ST6GALNAC5: variants seen among roughly 807,000 people sequenced by gnomAD.
The protein encoded by ST6GALNAC5 is ST6 N-acetylgalactosaminide alpha-2,6-sialyltransferase 5, also known as alpha-N-acetylgalactosaminide alpha-2,6-sialyltransferase 5.
Under a neutral mutation model 33.6 loss-of-function variants are expected in ST6GALNAC5, and 27 were observed. The observed-to-expected ratio is 0.80, with a 90% CI of 0.59 to 1.11. The LOEUF (loss-of-function observed/expected upper bound fraction) is 1.11, where lower values mean the gene tolerates loss of function less well. Among genes scored for constraint, ST6GALNAC5 ranks in the 50% least tolerant of loss-of-function variants. The probability of loss-of-function intolerance (pLI) is 0.00; values close to 1 mark genes in which losing one functional copy is unlikely to be tolerated. For missense variants in ST6GALNAC5, 428 were observed against 454.0 expected (o/e 0.94, Z 0.52); for synonymous variants, 194 against 171.2 (o/e 1.13, Z -1.04).
chr1:76,905,515 C>T (rs1646856665), intron 2 of ST6GALNAC5, among the ~76,000 whole-genome samples: 1 of 152,136 alleles, frequency 6.6e-6, no homozygotes, highest in Non-Finnish European at 1.5e-5. Context: ...TGCTTATGTC[C>T]AAATTGGAAA....
At chr1:76,984,427 A>T (rs1413551391) in intron 2 of ST6GALNAC5, among the ~76,000 whole-genome samples, 1 of 152,196 alleles carries the variant, frequency 6.6e-6, no homozygotes, top group Non-Finnish European at 1.5e-5. Context: ...GAAATGGATA[A>T]ATTCCTGGAC....
Position 76,868,873 on chromosome 1 carries a change from C to T in ST6GALNAC5, c.261+131C>T, listed in dbSNP as rs1247534218. ...CGAAGGCTGGAGGGGAGTGGACCCG[C>T]TGGGGTAGGGTGGGCTAGTTCCAAC... On this transcript the variant is annotated intron_variant, in intron 2 of 4. Coordinates refer to ENST00000477717, the MANE Select transcript of ST6GALNAC5 (RefSeq NM_030965.3). This position sits in a 1 kb window ranked among gnomAD's most constrained non-coding sequence, Gnocchi z 4.3. The T allele has an allele frequency of 3.9e-5, 53 of 1,375,806 alleles. No homozygotes were observed. In the Admixed American group the frequency reaches 1.7e-3, roughly 43 times the overall value. 85.2% of individuals were successfully genotyped at this position (1,375,806 alleles called of 1,614,324 possible).
intron 2 of ST6GALNAC5, among the ~76,000 whole-genome samples, chr1:76,882,088 A>C (rs1427723024): frequency 6.6e-6 from 1 of 152,198 alleles, no homozygotes; most frequent in East Asian, 1.9e-4. Context: ...AAAGGAATAA[A>C]TATTTAAACA....
chr1:76,919,678 A>G (rs912116086), intron 2 of ST6GALNAC5, among the ~76,000 whole-genome samples: 2 of 152,190 alleles, frequency 1.3e-5, no homozygotes, highest in Non-Finnish European at 2.9e-5. Flanking sequence ...TGCTGAGTAA[A>G]TGGGGGCTGA....
rs150842752 is a variant in ST6GALNAC5, at chr1:77,034,391, A to T, written c.262-9813A>T. ...TGAGAGCCTACCCTCATCCAGTATG[A>T]CCTCACCCTGACTTACATCTCAATT... On this transcript the variant is annotated intron_variant, in intron 2 of 4. Transcript: ENST00000477717. Among the ~76,000 whole-genome samples, 632 of 152,158 alleles carry T rather than the reference A, an allele frequency of 4.2e-3. 2 individuals are homozygous for T. Among genetic ancestry groups the T allele is most frequent in the Middle Eastern group, 0.02 (6 of 294 alleles).
At chr1:76,974,910 T>C (rs1284047466) in intron 2 of ST6GALNAC5, among the ~76,000 whole-genome samples, 1 of 149,328 alleles carries the variant, frequency 6.7e-6, no homozygotes, top group Non-Finnish European at 1.5e-5. Context: ...CTTAGCCTCC[T>C]GAGTAGCTGG....
chr1:76,880,425 A>G (rs1653752002), intron 2 of ST6GALNAC5, among the ~76,000 whole-genome samples: 1 of 152,214 alleles, frequency 6.6e-6, no homozygotes, highest in Non-Finnish European at 1.5e-5. Flanking sequence ...ATTAGTCAGC[A>G]TTCTCTAGAG....
intron 2 of ST6GALNAC5, among the ~76,000 whole-genome samples, chr1:76,896,886 C>T (rs1295789497): frequency 2.0e-5 from 3 of 152,098 alleles, no homozygotes; most frequent in Non-Finnish European, 4.4e-5. Flanking sequence ...TAGGCTAAAA[C>T]AGTAAGGTCA....
At chr1:76,994,984 T>C (rs1366230750) in intron 2 of ST6GALNAC5, among the ~76,000 whole-genome samples, 2 of 152,218 alleles carry the variant, frequency 1.3e-5, no homozygotes, top group Non-Finnish European at 2.9e-5. Flanking sequence ...GAAAATTACA[T>C]ATAATCAGAA....
intron 2 of ST6GALNAC5, among the ~76,000 whole-genome samples, chr1:76,917,404 C>T (rs1646986460): frequency 6.6e-6 from 1 of 152,098 alleles, no homozygotes; most frequent in Non-Finnish European, 1.5e-5. Context: ...TCAAAATGTT[C>T]TCCATTCATA....
Position 77,000,313 on chromosome 1 carries a change from C to A in ST6GALNAC5, c.262-43891C>A, listed in dbSNP as rs1182601640. ...TCTTTTGAGAAGTGTCTGTTCATGT[C>A]CTTTGCCCACTTTTCGATGGGGTTG... On this transcript the variant is annotated intron_variant, in intron 2 of 4. Transcript: ENST00000477717. 1.6e-5 allele frequency among the ~76,000 whole-genome samples: 2 copies of A among 122,810 alleles called. 1 individual carries two copies. Among genetic ancestry groups the A allele is most frequent in the Non-Finnish European group, 3.8e-5 (2 of 52,132 alleles). The allele number at this position is 122,810 out of a possible 152,430, so 80.6% of individuals were successfully genotyped here.
chr1:76,948,326 C>T (rs1647603378), intron 2 of ST6GALNAC5, among the ~76,000 whole-genome samples: 1 of 152,136 alleles, frequency 6.6e-6, no homozygotes, highest in Non-Finnish European at 1.5e-5. Flanking sequence ...CTGCGGGAGA[C>T]CTTCTAGCTC....
At chr1:77,012,773 C>T (rs1289681636) in intron 2 of ST6GALNAC5, among the ~76,000 whole-genome samples, 1 of 152,036 alleles carries the variant, frequency 6.6e-6, no homozygotes, top group Non-Finnish European at 1.5e-5. Context: ...TTATTGGGTG[C>T]TTTGGCTGAA....
intron 2 of ST6GALNAC5, among the ~76,000 whole-genome samples, chr1:76,998,753 T>A (rs1421846477): frequency 6.6e-6 from 1 of 152,180 alleles, no homozygotes; most frequent in Non-Finnish European, 1.5e-5. Context: ...AAAAGTTCCA[T>A]GACTAATATG....
chr1:76,995,223 C>A (rs1371108795), intron 2 of ST6GALNAC5, among the ~76,000 whole-genome samples: 1 of 152,104 alleles, frequency 6.6e-6, no homozygotes, highest in Non-Finnish European at 1.5e-5. Flanking sequence ...CATAGCAAGA[C>A]CTCATCTCTA....
intron 2 of ST6GALNAC5, among the ~76,000 whole-genome samples, chr1:76,945,335 T>C (rs1009251567): frequency 6.6e-5 from 10 of 151,038 alleles, no homozygotes; most frequent in Admixed American, 6.6e-4. Context: ...GAAGCATCAT[T>C]CTAGAAAATG....
Position 77,044,513 on chromosome 1 carries a change from C to CTCCT in ST6GALNAC5, c.572_575dup (p.Ser193ProfsTer22). ...GGGCCAGGTCTACAACAACCTGCAT[C>CTCCT]TCCTGAGCCAGGTGCTGCCCCGGCT... is the stretch of plus-strand genomic sequence containing the variant. On this transcript the variant is annotated frameshift_variant, in exon 3 of 5. Transcript: ENST00000477717. LOFTEE classifies it high-confidence loss of function. 1.2e-6 allele frequency: 2 copies of CTCCT among 1,612,496 alleles called. No homozygotes were observed. The highest frequency in any genetic ancestry group is 1.7e-6 in the Non-Finnish European group (2 of 1,179,140).
intron 2 of ST6GALNAC5, among the ~76,000 whole-genome samples, chr1:77,015,970 C>T (rs1341751666): frequency 1.3e-5 from 2 of 151,960 alleles, no homozygotes; most frequent in Non-Finnish European, 2.9e-5. Flanking sequence ...CTGATCCCAG[C>T]ATCCTGAAAG....
chr1:76,919,448 T>G (rs1474028448), intron 2 of ST6GALNAC5, among the ~76,000 whole-genome samples: 1 of 152,122 alleles, frequency 6.6e-6, no homozygotes, highest in Admixed American at 6.6e-5. Flanking sequence ...GGTTTCGATT[T>G]AGTCTTCAAG....
Sources: gnomAD v4.1 joint callset for allele counts (sites outside exome capture counted in the v4.1 genomes callset) on GRCh38, gnomAD v4.1.1 for gene constraint, Gnocchi (gnomAD v3.1) non-coding constraint, MANE v1.5 for transcripts, NCBI Gene and HGNC (gene_info 2026-07-23, HGNC 2026-07-21) for gene names.